CSNK2A2: variants seen among roughly 807,000 people sequenced by gnomAD.
The protein encoded by CSNK2A2 is casein kinase II subunit alpha'.
Under a neutral mutation model 54.0 loss-of-function variants are expected in CSNK2A2, and 8 were observed. That is an observed-to-expected ratio of 0.15 (90% CI 0.09 to 0.27). CSNK2A2 has a LOEUF of 0.27. Among genes scored for constraint, CSNK2A2 ranks in the 10% least tolerant of loss-of-function variants. CSNK2A2 has a pLI of 1.00. For missense variants in CSNK2A2, 242 were observed against 439.4 expected, an observed-to-expected ratio of 0.55 and a Z score of 4.02; for synonymous variants, 141 against 153.9, an observed-to-expected ratio of 0.92 and a Z score of 0.62.
intron 4 of CSNK2A2, among the ~76,000 whole-genome samples, chr16:58,179,020 C>T (rs1961954360): frequency 6.6e-6 from 1 of 152,052 alleles, no homozygotes; most frequent in Admixed American, 6.6e-5. Context: ...TATAGAGAAA[C>T]TTTTGAGTAT....
At chr16:58,171,748 C>T (rs879093301) in intron 5 of CSNK2A2, among the ~76,000 whole-genome samples, 2 of 151,596 alleles carry the variant, frequency 1.3e-5, no homozygotes, top group Admixed American at 1.3e-4. Flanking sequence ...CCACTGAGCA[C>T]CTGAAATGTG....
At chr16:58,167,891 C>T in intron 6 of CSNK2A2, 96 bp from the exon 7 acceptor site, 1 of 938,962 alleles carries the variant, frequency 1.1e-6, no homozygotes, top group Non-Finnish European at 1.7e-6. Flanking sequence ...AATCATTTGG[C>T]CACACAAAAA....
chr16:58,178,218 T>C (rs1176752076), intron 4 of CSNK2A2, among the ~76,000 whole-genome samples: 1 of 151,912 alleles, frequency 6.6e-6, no homozygotes, highest in Non-Finnish European at 1.5e-5. Context: ...CCATTTGGAG[T>C]GTCTTATCGA....
At chr16:58,172,642 A>G (rs1302559226) in intron 5 of CSNK2A2, among the ~76,000 whole-genome samples, 1 of 152,266 alleles carries the variant, frequency 6.6e-6, no homozygotes. Flanking sequence ...GAACAAATAC[A>G]GTAAGGTAAT....
chr16:58,184,148 T>C (rs1427448715), intron 4 of CSNK2A2, 112 bp downstream of exon 4: 2 of 761,222 alleles, frequency 2.6e-6, no homozygotes, highest in Non-Finnish European at 4.2e-6. Flanking sequence ...ATTTGTTATT[T>C]CCTCCTCTCA....
intron 3 of CSNK2A2, among the ~76,000 whole-genome samples, chr16:58,184,710 T>A (rs1962145665): frequency 6.6e-6 from 1 of 152,228 alleles, no homozygotes. Context: ...AAAGGTTATG[T>A]GAGGATTTAC....
Position 58,171,744 on chromosome 16 carries a change from A to G in CSNK2A2, c.429+2707T>C, listed in dbSNP as rs562100907. Among the ~76,000 whole-genome samples the G allele has an allele frequency of 2.6e-5, 4 of 151,838 alleles. No individual in the cohort carries two copies. In the East Asian group the frequency reaches 7.8e-4, roughly 29 times the overall value. ...AGCCACTAGCCACATGAGGCCACTG[A>G]GCACCTGAAATGTGCCTAGTGTGAT... On this transcript the variant is annotated intron_variant, in intron 5 of 11. Transcript: ENST00000262506.
At chr16:58,167,468 T>C (rs895411337) in intron 7 of CSNK2A2, among the ~76,000 whole-genome samples, 160 bp from the exon 8 acceptor site, 3 of 152,150 alleles carry the variant, frequency 2.0e-5, no homozygotes. Flanking sequence ...CTAGAAATGA[T>C]CTGAATTTCT....
At chr16:58,186,351 C>T (rs1204906068) in intron 3 of CSNK2A2, among the ~76,000 whole-genome samples, 1 of 152,170 alleles carries the variant, frequency 6.6e-6, no homozygotes, top group Non-Finnish European at 1.5e-5. Context: ...CAGGTGTCCA[C>T]GTGGAGATAT....
At chr16:58,172,376 G>A (rs1225280168) in intron 5 of CSNK2A2, among the ~76,000 whole-genome samples, 3 of 152,140 alleles carry the variant, frequency 2.0e-5, no homozygotes, top group Non-Finnish European at 4.4e-5. Context: ...GGGGTTGTGA[G>A]GGCAGACCTC....
intron 2 of CSNK2A2, among the ~76,000 whole-genome samples, chr16:58,195,167 T>C (rs1011589509): frequency 3.5e-5 from 5 of 143,924 alleles, no homozygotes; most frequent in Non-Finnish European, 7.7e-5. Flanking sequence ...CTAAGGTAAT[T>C]TTCCTGTGAC....
At chr16:58,179,500 C>CAAAA (rs34109104) in intron 4 of CSNK2A2, among the ~76,000 whole-genome samples, 1 of 133,504 alleles carries the variant, frequency 7.5e-6, no homozygotes, top group Non-Finnish European at 1.7e-5. Context: ...GGCTCTGTCT[C>CAAAA]AAAAAAAAAA....
intron 4 of CSNK2A2, among the ~76,000 whole-genome samples, chr16:58,182,755 G>C (rs13338596): frequency 6.6e-6 from 1 of 152,140 alleles, no homozygotes; most frequent in Non-Finnish European, 1.5e-5. Context: ...GGTTTTCTAA[G>C]ACATGCACAC....
At chr16:58,161,332 C>A (rs1427582936) in intron 11 of CSNK2A2, 1 of 152,220 alleles carries the variant, frequency 6.6e-6, no homozygotes, top group Non-Finnish European at 1.5e-5. Flanking sequence ...TAGTATAACA[C>A]TACCCTGTTC....
At chr16:58,163,953 T>C in intron 11 of CSNK2A2, 101 bp downstream of exon 11, 1 of 945,622 alleles carries the variant, frequency 1.1e-6, no homozygotes, top group Non-Finnish European at 1.6e-6. Context: ...TCTGTGCATT[T>C]AGAAGGAATG....
intron 4 of CSNK2A2, among the ~76,000 whole-genome samples, chr16:58,184,029 C>T (rs192431572): frequency 2.0e-5 from 3 of 152,232 alleles, no homozygotes; most frequent in Non-Finnish European, 2.9e-5. Flanking sequence ...TAGACCCAGC[C>T]GAGCAGCTAC....
In CSNK2A2 at chr16:58,179,500, C is replaced by CA. The variant is rs34109104; in HGVS notation, c.369+4759dup. ...TGGGTGAGAGATAGAGGCTCTGTCTCAAAAAAAAAAAAGAAAGAAAAGAGA... is the reference window on the plus strand; with the variant it reads ...TGGGTGAGAGATAGAGGCTCTGTCTCAAAAAAAAAAAAAGAAAGAAAAGAGA... On this transcript the variant is annotated intron_variant, in intron 4 of 11. Transcript: ENST00000262506. Among the ~76,000 whole-genome samples the CA allele has an allele frequency of 2.3e-3, 306 of 133,488 alleles. 1 individual carries two copies. The highest frequency in any genetic ancestry group is 5.0e-3 in the African/African-American group (184 of 36,856). 87.6% of individuals were successfully genotyped at this position (133,488 alleles called of 152,430 possible). A position where few individuals can be genotyped will look rare whatever the true frequency, so the allele number is the denominator to read the frequency against.
chr16:58,187,022 A>G (rs1962210482), intron 2 of CSNK2A2, among the ~76,000 whole-genome samples, 166 bp from the exon 3 acceptor site: 3 of 152,134 alleles, frequency 2.0e-5, no homozygotes, highest in Admixed American at 6.6e-5. Context: ...GGGCTTGCCC[A>G]TAAGAACCTT....
chr16:58,192,926 T>A (rs993185830), intron 2 of CSNK2A2: 1 of 152,282 alleles, frequency 6.6e-6, no homozygotes. Flanking sequence ...GGTTTCTAAG[T>A]GCCCGCATTC....
Sources: gnomAD v4.1 joint callset for allele counts (sites outside exome capture counted in the v4.1 genomes callset) on GRCh38, gnomAD v4.1.1 for gene constraint, MANE v1.5 for transcripts, NCBI Gene and HGNC (gene_info 2026-07-23, HGNC 2026-07-21) for gene names.